Variants in CNTN4 observed in about 807,000 individuals in gnomAD.
The protein encoded by CNTN4 is contactin-4.
In CNTN4, 77 loss-of-function variants were observed where a neutral mutation model predicts 122.5. That is an observed-to-expected ratio of 0.63 (90% CI 0.52 to 0.76). The LOEUF is 0.76. Among genes scored for constraint, CNTN4 ranks in the 30% least tolerant of loss-of-function variants. The pLI, the probability that CNTN4 is intolerant of heterozygous loss-of-function variation, is 0.00. For synonymous variants in CNTN4, 512 were observed against 447.0 expected (o/e 1.15, Z -1.83); for missense variants, 1,256 against 1,259.1 (o/e 1.00, Z 0.04).
intron 2 of CNTN4, among the ~76,000 whole-genome samples, chr3:2,147,415 C>CATTA (rs1308840160): frequency 6.6e-6 from 1 of 151,952 alleles, no homozygotes; most frequent in Non-Finnish European, 1.5e-5. Context: ...AACAGACCAA[C>CATTA]ATTAAGTACT....
chr3:2,297,249 A>G lies in CNTN4; in HGVS notation c.-144-41929A>G, dbSNP rs577620184. 5.3e-5 allele frequency among the ~76,000 whole-genome samples: 8 copies of G among 152,316 alleles called. No homozygotes were observed. In the South Asian group the frequency reaches 1.2e-3, roughly 24 times the overall value. On this transcript the variant is annotated intron_variant, in intron 2 of 24. Transcript: ENST00000418658. The stretch of plus-strand genomic sequence containing the variant: ...TATGAGAATGCACAGAAAGCTTCGT[A>G]ATTTACATCTAAAAGGAATGCAGGA...
At chr3:2,240,347 A>G (rs1223495609) in intron 2 of CNTN4, among the ~76,000 whole-genome samples, 1 of 152,086 alleles carries the variant, frequency 6.6e-6, no homozygotes, top group Non-Finnish European at 1.5e-5. Flanking sequence ...AGATCCATTG[A>G]ATTTGAGTAT....
intron 2 of CNTN4, among the ~76,000 whole-genome samples, chr3:2,268,413 G>A (rs1045469453): frequency 1.3e-5 from 2 of 151,598 alleles, no homozygotes; most frequent in Non-Finnish European, 2.9e-5. Flanking sequence ...AATTACCAGG[G>A]GCAACATTTT....
At chr3:2,319,499 A>G (rs2043211423) in intron 2 of CNTN4, among the ~76,000 whole-genome samples, 1 of 152,136 alleles carries the variant, frequency 6.6e-6, no homozygotes, top group Non-Finnish European at 1.5e-5. Context: ...GAGACAGCAG[A>G]ACTAATCCCT....
At chr3:3,041,881 G>A (rs910654983) in intron 20 of CNTN4, among the ~76,000 whole-genome samples, 8 of 152,198 alleles carry the variant, frequency 5.3e-5, no homozygotes, top group African/African-American at 1.9e-4. Context: ...GATGGCTTGA[G>A]CTCAGGAGGT....
intron 4 of CNTN4, among the ~76,000 whole-genome samples, chr3:2,708,656 TC>T (rs2086892022): frequency 6.7e-6 from 1 of 150,258 alleles, no homozygotes; most frequent in African/African-American, 2.4e-5. Flanking sequence ...TTCATGTACT[TC>T]CTAGAGAGGC....
At chr3:2,327,094 T>A (rs1181954327) in intron 2 of CNTN4, among the ~76,000 whole-genome samples, 1 of 152,006 alleles carries the variant, frequency 6.6e-6, no homozygotes, top group African/African-American at 2.4e-5. Context: ...TGGGGAAATT[T>A]CATCAAGTTG....
intron 4 of CNTN4, among the ~76,000 whole-genome samples, chr3:2,607,123 G>A (rs550566142): frequency 2.6e-5 from 4 of 152,186 alleles, no homozygotes; most frequent in African/African-American, 9.6e-5. Context: ...TTCTTCCAAG[G>A]CCACCTTTTT....
In CNTN4 at chr3:2,425,894, T is replaced by C. The variant is rs112972231; in HGVS notation, c.-89+86661T>C. ...GTCTCTTATTGGTGTATAAGAATGC[T>C]AGTGATTTTTGCACATTGATTTTGT... On this transcript the variant is annotated intron_variant, in intron 3 of 24. Transcript: ENST00000418658. Among the ~76,000 whole-genome samples, 95 of 152,328 alleles carry C rather than the reference T, an allele frequency of 6.2e-4. 2 individuals carry two copies. In the Middle Eastern group the frequency reaches 0.014, roughly 22 times the overall value.
intron 4 of CNTN4, among the ~76,000 whole-genome samples, chr3:2,721,650 C>G (rs1273994837): frequency 1.3e-5 from 2 of 152,158 alleles, no homozygotes; most frequent in Non-Finnish European, 2.9e-5. Context: ...CACCCTCTTA[C>G]TGCTACAGGG....
chr3:2,124,647 G>T (rs975368702), intron 2 of CNTN4, among the ~76,000 whole-genome samples: 1 of 151,888 alleles, frequency 6.6e-6, no homozygotes, highest in African/African-American at 2.4e-5. Context: ...GGTGGTGCAT[G>T]ACTGTGATCC....
Position 2,139,199 on chromosome 3 carries a change from T to G in CNTN4, c.-145+38560T>G, listed in dbSNP as rs2034863265. On this transcript the variant is annotated intron_variant, in intron 2 of 24. Transcript: ENST00000418658. ...TAGTATATTTGTAATGTTTTCATCA[T>G]ACCCCTAGGCCAAAGAAAATACTCA... Among the ~76,000 whole-genome samples the G allele has an allele frequency of 2.6e-5, 4 of 152,208 alleles. No homozygotes were observed. In the South Asian group the frequency reaches 8.3e-4, roughly 32 times the overall value.
chr3:2,972,380 G>A (rs1049687551), intron 13 of CNTN4, among the ~76,000 whole-genome samples: 2 of 151,824 alleles, frequency 1.3e-5, no homozygotes, highest in South Asian at 2.1e-4. Context: ...ATAAATTCCC[G>A]ATATTTACCC....
intron 4 of CNTN4, among the ~76,000 whole-genome samples, chr3:2,631,000 G>A (rs920617718): frequency 6.6e-6 from 1 of 152,122 alleles, no homozygotes; most frequent in Non-Finnish European, 1.5e-5. Flanking sequence ...ATTCCCATGA[G>A]ATCTCAATCT....
intron 4 of CNTN4, among the ~76,000 whole-genome samples, chr3:2,690,634 T>G (rs1046072143): frequency 6.6e-6 from 1 of 152,126 alleles, no homozygotes; most frequent in African/African-American, 2.4e-5. Context: ...TTGTCTGCCT[T>G]ACCTCCTAGA....
chr3:2,548,364 A>T (rs2078335183), intron 3 of CNTN4, among the ~76,000 whole-genome samples: 2 of 152,108 alleles, frequency 1.3e-5, no homozygotes, highest in Admixed American at 1.3e-4. Flanking sequence ...AGGTATAAGG[A>T]AAGGGTCCAG....
At chr3:2,729,711 G>A (rs550402722) in intron 4 of CNTN4, among the ~76,000 whole-genome samples, 19 of 152,060 alleles carry the variant, frequency 1.2e-4, no homozygotes, top group East Asian at 5.8e-4. Flanking sequence ...TCAGGAGTTC[G>A]AGACCGGCCT....
At chr3:2,612,276 TTAAACA>T (rs2081531924) in intron 4 of CNTN4, among the ~76,000 whole-genome samples, 2 of 152,108 alleles carry the variant, frequency 1.3e-5, no homozygotes, top group Admixed American at 1.3e-4. Flanking sequence ...CCAGCCTAAC[TTAAACA>T]TAATGAGATC....
At chr3:2,265,752 T>TTA (rs1170829119) in intron 2 of CNTN4, among the ~76,000 whole-genome samples, 217 of 104,696 alleles carry the variant, frequency 2.1e-3, no homozygotes, top group Non-Finnish European at 3.3e-3. Context: ...CATCAGTGTT[T>TTA]TATATATATA....
Sources: gnomAD v4.1 joint callset for allele counts (sites outside exome capture counted in the v4.1 genomes callset) on GRCh38, gnomAD v4.1.1 for gene constraint, MANE v1.5 for transcripts, NCBI Gene and HGNC (gene_info 2026-07-23, HGNC 2026-07-21) for gene names.